The following ATF3 variants were observed in gnomAD, a reference collection of about 807,000 sequenced individuals.
ATF3 encodes the protein cyclic AMP-dependent transcription factor ATF-3.
A neutral mutation model predicts 18.4 loss-of-function variants in ATF3; 10 were observed. The observed-to-expected ratio is 0.54, with a 90% confidence interval of 0.34 to 0.92. The LOEUF (loss-of-function observed/expected upper bound fraction) is 0.92, where lower values mean the gene tolerates loss of function less well. ATF3 is among the 40% of genes least tolerant of loss of function. ATF3 has a pLI of 0.02. For synonymous variants in ATF3, 78 were observed against 87.9 expected (o/e 0.89, Z 0.63); for missense variants, 183 against 222.3 (o/e 0.82, Z 1.12).
intron 1 of ATF3, among the ~76,000 whole-genome samples, chr1:212,586,323 C>G (rs1311201020): frequency 6.6e-6 from 1 of 152,174 alleles, no homozygotes; most frequent in Non-Finnish European, 1.5e-5. Context: ...CCCTTTCTCC[C>G]TTTCTGCTAA....
chr1:212,595,386 C>G (rs1471384181), intron 1 of ATF3, among the ~76,000 whole-genome samples: 1 of 152,218 alleles, frequency 6.6e-6, no homozygotes, highest in African/African-American at 2.4e-5. Flanking sequence ...CAGGCTACAG[C>G]CCCCTGCCTT....
In ATF3 at chr1:212,615,195, G is replaced by A. The variant is rs763437639; in HGVS notation, c.174G>A (p.Met58Ile). 7 of 1,614,060 alleles carry A rather than the reference G, an allele frequency of 4.3e-6. No individual in the cohort carries two copies. In the South Asian group the frequency reaches 7.7e-5, roughly 18 times the overall value. Residue 58 changes from methionine to isoleucine, a missense_variant, in exon 2 of 4, where the codon ATG becomes ATA. Coordinates refer to ENST00000341491, the MANE Select transcript of ATF3 (RefSeq NM_001674.4). The part of the protein sequence containing the change: ...AIQNKHLCHR[M>I]SSALESVTVS... The stretch of plus-strand genomic sequence containing the variant: ...AGAACAAGCACCTCTGCCACCGGAT[G>A]TCCTCTGCGCTGGAATCAGTCACTG...
chr1:212,589,026 A>G (rs1664832296), intron 1 of ATF3, among the ~76,000 whole-genome samples: 1 of 152,258 alleles, frequency 6.6e-6, no homozygotes, highest in Non-Finnish European at 1.5e-5. Flanking sequence ...GCCATCTAAA[A>G]TATAGCATCG....
intron 1 of ATF3, among the ~76,000 whole-genome samples, chr1:212,581,916 A>T (rs1407648514): frequency 6.6e-6 from 1 of 152,214 alleles, no homozygotes; most frequent in East Asian, 1.9e-4. Context: ...AGAGGATGCT[A>T]TTTGGGGTCT....
intron 1 of ATF3, among the ~76,000 whole-genome samples, chr1:212,596,862 T>C (rs982524217): frequency 9.2e-5 from 14 of 152,236 alleles, no homozygotes; most frequent in African/African-American, 3.1e-4. Context: ...TTATTTCCAT[T>C]TAAATTAAGC....
chr1:212,602,199 C>T (rs1654500400), intron 1 of ATF3, among the ~76,000 whole-genome samples: 1 of 152,156 alleles, frequency 6.6e-6, no homozygotes, highest in South Asian at 2.1e-4. Flanking sequence ...CTACACCATC[C>T]CCTTTTCAGC....
chr1:212,618,279 T>C lies in ATF3; in HGVS notation c.348+45T>C, dbSNP rs8192660. On this transcript the variant is annotated intron_variant, in intron 3 of 3. Transcript: ENST00000341491. The surrounding 1 kb of genome is among the most constrained non-coding windows in gnomAD (Gnocchi z 4.4). ...ACCCTTCCTCTCGCTCACGCCTGTCTTCACCAGCTTCATGTGGCTATCAGA... is the reference window on the plus strand; with the variant it reads ...ACCCTTCCTCTCGCTCACGCCTGTCCTCACCAGCTTCATGTGGCTATCAGA... 91,186 of 1,572,680 alleles carry C rather than the reference T, an allele frequency of 0.058. 5,695 individuals carry two copies. The highest frequency in any genetic ancestry group is 0.31 in the Admixed American group (18,735 of 59,940).
chr1:212,583,492 G>T (rs550359542), intron 1 of ATF3, among the ~76,000 whole-genome samples: 1 of 152,330 alleles, frequency 6.6e-6, no homozygotes, highest in African/African-American at 2.4e-5. Context: ...CACAGGGGAT[G>T]GTGAAGCACT....
chr1:212,594,225 G>A (rs1018418535), intron 1 of ATF3, among the ~76,000 whole-genome samples: 2 of 152,196 alleles, frequency 1.3e-5, no homozygotes, highest in Admixed American at 6.5e-5. Flanking sequence ...GGGAAATGAT[G>A]CATGAGGCTA....
rs539062894 is a variant in ATF3 at position 212,620,383 on chromosome 1, G to C, written c.*828G>C. ...CACTCAATGTCTTAGGTCAGGAGTT[G>C]TGTCTAGGCTGGAAGAGCCAAAGAA... On this transcript the variant is annotated 3_prime_UTR_variant, in exon 4 of 4. Coordinates refer to ENST00000341491, the MANE Select transcript of ATF3 (RefSeq NM_001674.4). 4.8e-4 allele frequency: 74 copies of C among 152,816 alleles called. No individual in the cohort carries two copies. Among genetic ancestry groups the C allele is most frequent in the African/African-American group, 1.4e-3 (57 of 41,586 alleles). The allele number at this position is 152,816 out of a possible 1,614,324, so 9.5% of individuals were successfully genotyped here.
chr1:212,599,409 T>C (rs1270509404), intron 1 of ATF3, among the ~76,000 whole-genome samples: 1 of 152,194 alleles, frequency 6.6e-6, no homozygotes, highest in Non-Finnish European at 1.5e-5. Flanking sequence ...GAATAAATAT[T>C]GTTATCCAAA....
chr1:212,615,830 C>T (rs1004445268), intron 2 of ATF3, among the ~76,000 whole-genome samples: 1 of 147,722 alleles, frequency 6.8e-6, no homozygotes, highest in African/African-American at 2.5e-5. Flanking sequence ...TGCTCCATCA[C>T]CCAGGCTGGG....
At chr1:212,595,622 T>A (rs1025514497) in intron 1 of ATF3, among the ~76,000 whole-genome samples, 2 of 152,158 alleles carry the variant, frequency 1.3e-5, no homozygotes, top group Non-Finnish European at 2.9e-5. Flanking sequence ...AGATGCTGAA[T>A]GGCCAAGAAA....
intron 1 of ATF3, among the ~76,000 whole-genome samples, chr1:212,589,173 C>T (rs1237732338): frequency 1.3e-5 from 2 of 152,170 alleles, no homozygotes; most frequent in Admixed American, 1.3e-4. Flanking sequence ...GGCATCACAG[C>T]ACTCCCGGGT....
chr1:212,616,879 G>A (rs756002739), intron 2 of ATF3, among the ~76,000 whole-genome samples: 6 of 152,096 alleles, frequency 3.9e-5, no homozygotes, highest in South Asian at 4.1e-4. Context: ...AGAATGGAGC[G>A]TCCATTTGCT....
intron 1 of ATF3, among the ~76,000 whole-genome samples, chr1:212,580,436 T>A (rs1214507588): frequency 1.3e-5 from 2 of 151,918 alleles, no homozygotes; most frequent in African/African-American, 4.8e-5. Context: ...CACCTCAGCC[T>A]CCTGAGTAGG....
Position 212,619,695 on chromosome 1 carries a change from G to C in ATF3, c.*140G>C. On this transcript the variant is annotated 3_prime_UTR_variant, in exon 4 of 4. Coordinates refer to ENST00000341491, the MANE Select transcript of ATF3 (RefSeq NM_001674.4). This position sits in a 1 kb window ranked among gnomAD's most constrained non-coding sequence, Gnocchi z 4.4. ...GAGAACCATCAAGGCGGGAGGGCCT[G>C]CAGTGATTCAGCAGGCCCTTCCCAT... 1 of 1,215,262 alleles carries C rather than the reference G, an allele frequency of 8.2e-7. No homozygotes were observed. Among genetic ancestry groups the C allele is most frequent in the Non-Finnish European group, 1.2e-6 (1 of 865,754 alleles). 75.3% of individuals were successfully genotyped at this position (1,215,262 alleles called of 1,614,324 possible).
At chr1:212,605,249 G>T (rs1295615851), upstream of ATF3, among the ~76,000 whole-genome samples, 1 of 152,210 alleles carries the variant, frequency 6.6e-6, no homozygotes, top group Non-Finnish European at 1.5e-5. Context: ...GCTGAATCCA[G>T]AATCCAAGTG....
chr1:212,609,924 A>G (rs1479560783), intron 1 of ATF3, among the ~76,000 whole-genome samples: 1 of 152,216 alleles, frequency 6.6e-6, no homozygotes, highest in African/African-American at 2.4e-5. Flanking sequence ...CAGTGGTTGG[A>G]CCAGATAACT....
Sources: gnomAD v4.1 joint callset for allele counts (sites outside exome capture counted in the v4.1 genomes callset) on GRCh38, gnomAD v4.1.1 for gene constraint, Gnocchi (gnomAD v3.1) non-coding constraint, MANE v1.5 for transcripts, NCBI Gene and HGNC (gene_info 2026-07-23, HGNC 2026-07-21) for gene names.